Variants in UBE2O observed in about 807,000 individuals in gnomAD.
UBE2O encodes (E3-independent) E2 ubiquitin-conjugating enzyme.
In UBE2O, 15 loss-of-function variants were observed where a neutral mutation model predicts 125.8. That is an observed-to-expected ratio of 0.12 (90% confidence interval 0.08 to 0.18). The LOEUF (loss-of-function observed/expected upper bound fraction) is 0.18, where lower values mean the gene tolerates loss of function less well. UBE2O is among the 10% of genes least tolerant of loss of function. The probability of loss-of-function intolerance (pLI) is 1.00; values close to 1 mark genes in which losing one functional copy is unlikely to be tolerated. For missense variants in UBE2O, 1,280 were observed against 1,723.6 expected (o/e 0.74, Z 4.56); for synonymous variants, 708 against 703.2 (o/e 1.01, Z -0.11).
chr17:76,424,870 A>ATTTTTT (rs1182766923), intron 1 of UBE2O, among the ~76,000 whole-genome samples: 3 of 134,922 alleles, frequency 2.2e-5, no homozygotes, highest in Non-Finnish European at 4.8e-5. Flanking sequence ...TTTATTTTTT[A>ATTTTTT]TTTTTTTTTT....
intron 15 of UBE2O, among the ~76,000 whole-genome samples, chr17:76,392,560 G>T (rs1340462317): frequency 6.6e-6 from 1 of 151,996 alleles, no homozygotes; most frequent in Non-Finnish European, 1.5e-5. Context: ...CCGTCACTGT[G>T]CCTGGCCCTT....
At position 76,396,425 on chromosome 17, in the gene UBE2O, T is replaced by C; in HGVS notation, c.2512A>G (p.Thr838Ala). 6.2e-7 allele frequency: 1 copy of C among 1,614,130 alleles called. No individual in the cohort carries two copies. Among genetic ancestry groups the C allele is most frequent in the Non-Finnish European group, 8.5e-7 (1 of 1,180,020 alleles). The change falls in exon 14 of 18, where the codon ACC (threonine) becomes GCC (alanine). Residue 838 changes from threonine (T) to alanine (A), a missense_variant. Coordinates refer to ENST00000319380, the MANE Select transcript of UBE2O (RefSeq NM_022066.4). The surrounding 1 kb of genome is among the most constrained non-coding windows in gnomAD (Gnocchi z 6.7). The part of the protein sequence containing the change: ...TVEQLLTGSP[T>A]SPTVEPEKPT... Reference sequence around the variant, plus strand: ...TTCTCAGGCTCCACAGTCGGAGAGGTGGGCGAGCCCGTCAGCAGCTGCTCC... The same window carrying C: ...TTCTCAGGCTCCACAGTCGGAGAGGCGGGCGAGCCCGTCAGCAGCTGCTCC...
chr17:76,451,394 TTC>T (rs1230908412), intron 1 of UBE2O, among the ~76,000 whole-genome samples: 1 of 152,242 alleles, frequency 6.6e-6, no homozygotes, highest in Non-Finnish European at 1.5e-5. Flanking sequence ...TGATTCACAT[TTC>T]TCTGAGGGGA....
chr17:76,447,491 T>A (rs956491793), intron 1 of UBE2O, among the ~76,000 whole-genome samples: 3 of 152,220 alleles, frequency 2.0e-5, no homozygotes, highest in Non-Finnish European at 2.9e-5. Flanking sequence ...TACTCTATCA[T>A]CTTTGTAATT....
chr17:76,404,615 C>T lies in UBE2O; in HGVS notation c.588+591G>A, dbSNP rs1045237099. On this transcript the variant is annotated intron_variant, in intron 3 of 17. Coordinates refer to ENST00000319380, the MANE Select transcript of UBE2O (RefSeq NM_022066.4). This position sits in a 1 kb window ranked among gnomAD's most constrained non-coding sequence, Gnocchi z 4.3. ...CTGTGGACTGGACAGTAATTATCAA[C>T]GTTGATTTCCCAATCTGGGGGTTAT... Among the ~76,000 whole-genome samples the T allele has an allele frequency of 1.3e-5, 2 of 152,204 alleles. No individual in the cohort carries two copies. The highest frequency in any genetic ancestry group is 2.9e-5 in the Non-Finnish European group (2 of 68,048).
At chr17:76,392,819 G>A (rs1346061325) in intron 15 of UBE2O, among the ~76,000 whole-genome samples, 1 of 152,008 alleles carries the variant, frequency 6.6e-6, no homozygotes, top group Non-Finnish European at 1.5e-5. Context: ...CAGGCGTGGT[G>A]ATGCATGCCT....
chr17:76,432,688 C>G (rs968280179), intron 1 of UBE2O, among the ~76,000 whole-genome samples: 1 of 152,130 alleles, frequency 6.6e-6, no homozygotes, highest in Non-Finnish European at 1.5e-5. Context: ...AGCCCACCTG[C>G]GAGACTCCAT....
At chr17:76,407,142 C>A (rs2072437458) in intron 1 of UBE2O, among the ~76,000 whole-genome samples, 1 of 152,294 alleles carries the variant, frequency 6.6e-6, no homozygotes, top group Middle Eastern at 3.4e-3. Flanking sequence ...GGTGGAGTCA[C>A]CAAGGCAGCG....
chr17:76,428,087 C>T (rs986277254), intron 1 of UBE2O, among the ~76,000 whole-genome samples: 9 of 152,134 alleles, frequency 5.9e-5, no homozygotes, highest in Non-Finnish European at 7.4e-5. Flanking sequence ...GTAATGGGAG[C>T]GGTTCTAACT....
chr17:76,397,109 A>T (rs961567096), intron 13 of UBE2O, among the ~76,000 whole-genome samples: 5 of 152,178 alleles, frequency 3.3e-5, no homozygotes, highest in African/African-American at 1.2e-4. Context: ...CATCTGTCCA[A>T]GGCGTTAGGG....
intron 15 of UBE2O, among the ~76,000 whole-genome samples, chr17:76,393,010 C>A (rs563879487): frequency 6.6e-6 from 1 of 151,762 alleles, no homozygotes; most frequent in Admixed American, 6.6e-5. Context: ...GTAATCCCAG[C>A]ACTTTTGGGA....
At chr17:76,414,754 CAGCG>C (rs2072572154) in intron 1 of UBE2O, among the ~76,000 whole-genome samples, 1 of 152,212 alleles carries the variant, frequency 6.6e-6, no homozygotes, top group Non-Finnish European at 1.5e-5. Flanking sequence ...GGCAGGGGGC[CAGCG>C]GGCTGGTCTC....
At position 76,401,134 on chromosome 17, in the gene UBE2O, G is replaced by C; in HGVS notation, c.771C>G (p.Ser257=). ...GCACCTGGCCTGGGTAGAAGCCATA[G>C]GAATCATCGAAGAAGAGACCCTGCG... ...VSDSGLFFDD[S]YGFYPGQVLI... is the part of the protein sequence containing the mutation. The change falls in exon 6 of 18, where the codon TCC becomes TCG. Residue 257 remains serine, a synonymous_variant. Coordinates refer to ENST00000319380, the MANE Select transcript of UBE2O (RefSeq NM_022066.4). The C allele has an allele frequency of 6.2e-7, 1 of 1,613,802 alleles. No homozygotes were observed. Among genetic ancestry groups the C allele is most frequent in the South Asian group, 1.1e-5 (1 of 91,088 alleles).
chr17:76,400,474 G>A lies in UBE2O; in HGVS notation c.971C>T (p.Pro324Leu). ...GTTTTCCTGGGTGATGACAGAGGGT[G>A]GGGGGCTGACGCTGTCCGTGCCCCC... ...CPGGTDSVSP[P>L]PSVITQENLG... The change falls in exon 7 of 18, where the codon CCA (proline) becomes CTA (leucine). Residue 324 changes from proline to leucine, a missense_variant. Pro to Leu is a moderately conservative substitution (Grantham distance 98, BLOSUM62 -3). Transcript: ENST00000319380. This position sits in a 1 kb window ranked among gnomAD's most constrained non-coding sequence, Gnocchi z 4.3. 1.9e-6 allele frequency: 3 copies of A among 1,612,864 alleles called. No homozygotes were observed. The highest frequency in any genetic ancestry group is 2.5e-6 in the Non-Finnish European group (3 of 1,179,554).
chr17:76,430,262 T>G (rs1392124540), intron 1 of UBE2O, among the ~76,000 whole-genome samples: 1 of 152,244 alleles, frequency 6.6e-6, no homozygotes, highest in Non-Finnish European at 1.5e-5. Flanking sequence ...TTTGCTGTTA[T>G]TTTAGCAGAG....
chr17:76,434,774 C>CAT (rs1024634719), intron 1 of UBE2O, among the ~76,000 whole-genome samples: 5 of 139,158 alleles, frequency 3.6e-5, no homozygotes, highest in African/African-American at 1.4e-4. Flanking sequence ...TTCACTTAAG[C>CAT]TTTTTTTTTT....
chr17:76,389,674 G>A lies in UBE2O; in HGVS notation c.*1269C>T, dbSNP rs995868035. On this transcript the variant is annotated 3_prime_UTR_variant, in exon 18 of 18. Coordinates refer to ENST00000319380, the MANE Select transcript of UBE2O (RefSeq NM_022066.4). Reference sequence around the variant, plus strand: ...TGTTTCTCAAACAAGATACCGACTCGGTTCCAAATGCCACGGTGTGTGGTC... The same window carrying A: ...TGTTTCTCAAACAAGATACCGACTCAGTTCCAAATGCCACGGTGTGTGGTC... 1.3e-5 allele frequency: 2 copies of A among 152,218 alleles called. No homozygotes were observed. The highest frequency in any genetic ancestry group is 2.4e-5 in the African/African-American group (1 of 41,444). The allele number at this position is 152,218 out of a possible 1,614,324, so 9.4% of individuals were successfully genotyped here.
In UBE2O at chr17:76,402,806, C is replaced by T; in HGVS notation, c.589-107G>A. 1.1e-6 allele frequency: 1 copy of T among 950,244 alleles called. No individual in the cohort carries two copies. The highest frequency in any genetic ancestry group is 2.4e-5 in the East Asian group (1 of 41,356). 58.9% of individuals were successfully genotyped at this position (950,244 alleles called of 1,614,324 possible). ...AAGACAGGATGGGGGAGGATCTAGACAGCTCACTGACTGGACCGGTTGGCT... is the reference window on the plus strand; with the variant it reads ...AAGACAGGATGGGGGAGGATCTAGATAGCTCACTGACTGGACCGGTTGGCT... On this transcript the variant is annotated intron_variant, in intron 3 of 17. Transcript: ENST00000319380. The surrounding 1 kb of genome is among the most constrained non-coding windows in gnomAD (Gnocchi z 5.4).
rs1045295999 is a variant in UBE2O, at chr17:76,398,850, C to T, written c.1770G>A (p.Val590=). ...AGCTGGCACTACCTCGCTTATCTAC[C>T]ACGAAGTCTCCAGGGCAGAACTCGT... is the stretch of plus-strand genomic sequence containing the variant. ...DNNEFCPGDF[V]VDKRVQSCPD... is the part of the protein sequence containing the mutation. Residue 590 remains valine, a synonymous_variant, in exon 10 of 18, where the codon GTG becomes GTA. Transcript: ENST00000319380. The surrounding 1 kb of genome is among the most constrained non-coding windows in gnomAD (Gnocchi z 5.4). 8 of 1,613,766 alleles carry T rather than the reference C, an allele frequency of 5.0e-6. No individual in the cohort carries two copies. Among genetic ancestry groups the T allele is most frequent in the Non-Finnish European group, 6.8e-6 (8 of 1,179,896 alleles).
Sources: allele counts gnomAD v4.1 joint callset (sites outside exome capture counted in the v4.1 genomes callset), GRCh38; gene constraint gnomAD v4.1.1; non-coding constraint Gnocchi (gnomAD v3.1); transcripts MANE v1.5; gene names NCBI Gene and HGNC (gene_info 2026-07-23, HGNC 2026-07-21).